The following EPHA7 variants were observed in gnomAD, a reference collection of about 807,000 sequenced individuals.
EPHA7 encodes the protein EPH receptor A7.
A neutral mutation model predicts 112.6 loss-of-function variants in EPHA7; 25 were observed. That is an observed-to-expected ratio of 0.22 (90% CI 0.16 to 0.31). The LOEUF is 0.31. Among genes scored for constraint, EPHA7 ranks in the 10% least tolerant of loss-of-function variants. The probability of loss-of-function intolerance (pLI) is 1.00; values close to 1 mark genes in which losing one functional copy is unlikely to be tolerated. For synonymous variants in EPHA7, 437 were observed against 406.5 expected (o/e 1.07, Z -0.90); for missense variants, 962 against 1,212.6 (o/e 0.79, Z 3.07).
chr6:93,296,479 T>TACACAC (rs202196550), intron 5 of EPHA7, among the ~76,000 whole-genome samples: 13,425 of 145,490 alleles, frequency 0.092, 782 homozygotes, highest in Non-Finnish European at 0.12. Flanking sequence ...ATATATATAA[T>TACACAC]ACACACACAC....
intron 3 of EPHA7, among the ~76,000 whole-genome samples, chr6:93,380,156 C>T (rs117954433): frequency 0.02 from 3,091 of 151,968 alleles, 52 homozygotes; most frequent in Non-Finnish European, 0.026. Flanking sequence ...GGAGCAGTAC[C>T]CAATTATCTT....
At chr6:93,316,733 C>G (rs1773832437) in intron 5 of EPHA7, among the ~76,000 whole-genome samples, 1 of 152,010 alleles carries the variant, frequency 6.6e-6, no homozygotes, top group Admixed American at 6.6e-5. Flanking sequence ...GATTATATTT[C>G]AGAAGGATTA....
At chr6:93,259,006 C>T (rs1284812764) in intron 10 of EPHA7, among the ~76,000 whole-genome samples, 1 of 151,700 alleles carries the variant, frequency 6.6e-6, no homozygotes, top group Non-Finnish European at 1.5e-5. Flanking sequence ...GACAGTAAAT[C>T]AAGTAAAAGG....
intron 3 of EPHA7, among the ~76,000 whole-genome samples, chr6:93,403,894 T>C (rs1778557425): frequency 6.6e-6 from 1 of 152,010 alleles, no homozygotes; most frequent in Admixed American, 6.6e-5. Context: ...TGCATATAAT[T>C]AAAGTATAAT....
chr6:93,318,139 G>C (rs1463312173), intron 5 of EPHA7, among the ~76,000 whole-genome samples: 1 of 152,108 alleles, frequency 6.6e-6, no homozygotes, highest in African/African-American at 2.4e-5. Flanking sequence ...GCTAATTCAA[G>C]GATTTCTTGA....
intron 3 of EPHA7, among the ~76,000 whole-genome samples, chr6:93,385,798 A>C (rs1304451115): frequency 1.3e-5 from 2 of 152,156 alleles, no homozygotes; most frequent in African/African-American, 4.8e-5. Context: ...AAGACTGAGA[A>C]ATTTATAAAG....
At chr6:93,302,618 A>G (rs1773045692) in intron 5 of EPHA7, among the ~76,000 whole-genome samples, 1 of 152,202 alleles carries the variant, frequency 6.6e-6, no homozygotes, top group Admixed American at 6.5e-5. Flanking sequence ...ATAAATCTGG[A>G]TGCAAGAACA....
intron 2 of EPHA7, among the ~76,000 whole-genome samples, chr6:93,414,140 T>C (rs921913942): frequency 1.3e-5 from 2 of 151,948 alleles, no homozygotes; most frequent in Non-Finnish European, 3.0e-5. Context: ...TGTGCAGGCT[T>C]TGCCATCATT....
chr6:93,398,175 T>G (rs994975954), intron 3 of EPHA7, among the ~76,000 whole-genome samples: 11 of 151,994 alleles, frequency 7.2e-5, no homozygotes, highest in Non-Finnish European at 1.3e-4. Flanking sequence ...TCTTATTTGT[T>G]ATTGGTCTCC....
intron 5 of EPHA7, among the ~76,000 whole-genome samples, chr6:93,313,189 T>C (rs1773630652): frequency 2.0e-5 from 3 of 152,144 alleles, no homozygotes; most frequent in East Asian, 1.9e-4. Context: ...AAATGCGATA[T>C]CTGCAAAACA....
chr6:93,363,953 A>G (rs1776377685), intron 3 of EPHA7, among the ~76,000 whole-genome samples: 1 of 152,218 alleles, frequency 6.6e-6, no homozygotes, highest in Non-Finnish European at 1.5e-5. Context: ...AAAAGACTAC[A>G]TATTGTACGA....
chr6:93,352,229 T>C (rs1664209581), intron 5 of EPHA7, among the ~76,000 whole-genome samples: 1 of 152,080 alleles, frequency 6.6e-6, no homozygotes. Context: ...ATATTACAAT[T>C]GCTTAAATAA....
chr6:93,404,064 T>G (rs1480419692), intron 3 of EPHA7, among the ~76,000 whole-genome samples: 3 of 152,180 alleles, frequency 2.0e-5, no homozygotes, highest in African/African-American at 2.4e-5. Context: ...GATAAAAATG[T>G]GACTGAAAGT....
chr6:93,258,181 C>T lies in EPHA7; in HGVS notation c.2028G>A (p.Arg676=), dbSNP rs760411632. ...TGCTTGCTTCACACAAAAAGTCTCT[C>T]CTTTGTTTTTCTGTGTAACCAACTT... ...TLKVGYTEKQ[R]RDFLCEASIM... The change falls in exon 11 of 17, where the codon AGG becomes AGA. Residue 676 remains arginine (R), a synonymous_variant. Coordinates refer to ENST00000369303, the MANE Select transcript of EPHA7 (RefSeq NM_004440.4). 1.9e-6 allele frequency: 3 copies of T among 1,613,418 alleles called. No individual in the cohort carries two copies. Among genetic ancestry groups the T allele is most frequent in the Admixed American group, 1.7e-5 (1 of 59,940 alleles).
intron 5 of EPHA7, among the ~76,000 whole-genome samples, chr6:93,284,438 GA>G (rs776857888): frequency 1.3e-3 from 205 of 152,074 alleles, no homozygotes; most frequent in Non-Finnish European, 2.1e-3. Context: ...AAAAGAATAA[GA>G]AAGATCAGCA....
chr6:93,414,948 G>A (rs1355583986), intron 1 of EPHA7, among the ~76,000 whole-genome samples, 181 bp from the exon 2 acceptor site: 2 of 151,784 alleles, frequency 1.3e-5, no homozygotes, highest in Admixed American at 6.6e-5. Flanking sequence ...TTCCTTAAAG[G>A]AAAAAAGATA....
At position 93,263,861 on chromosome 6, in the gene EPHA7, A is replaced by G. The variant is rs74780338; in HGVS notation, c.1797T>C (p.His599=). Residue 599 remains histidine, a splice_region_variant and synonymous_variant, in exon 9 of 17, where the codon CAT becomes CAC. Transcript: ENST00000369303. ...AATAAAGAAAAGCCAAACACTTACA[A>G]TGAAAGTAAAGCTCTTCATCGCCTT... The part of the protein sequence containing the change: ...DQEGDEELYF[H]FKFPGTKTYI... 1.9e-6 allele frequency: 3 copies of G among 1,608,998 alleles called. No individual in the cohort carries two copies. The highest frequency in any genetic ancestry group is 1.1e-5 in the South Asian group (1 of 90,888).
intron 3 of EPHA7, among the ~76,000 whole-genome samples, chr6:93,367,574 G>A (rs1394455422): frequency 2.0e-5 from 3 of 152,028 alleles, no homozygotes; most frequent in Non-Finnish European, 4.4e-5. Context: ...ATCCTAAAGA[G>A]GTAGGATGGC....
At chr6:93,411,258 T>C (rs1778964645) in intron 2 of EPHA7, 88 bp from the exon 3 acceptor site, 1 of 1,076,208 alleles carries the variant, frequency 9.3e-7, no homozygotes, top group Non-Finnish European at 1.4e-6. Context: ...AATACAGATC[T>C]TCGAAAAAGT....
Sources: gnomAD v4.1 joint callset for allele counts (sites outside exome capture counted in the v4.1 genomes callset) on GRCh38, gnomAD v4.1.1 for gene constraint, MANE v1.5 for transcripts, NCBI Gene and HGNC (gene_info 2026-07-23, HGNC 2026-07-21) for gene names.